The following PITPNM2 variants were observed in gnomAD, a reference collection of about 807,000 sequenced individuals.
The protein encoded by PITPNM2 is phosphatidylinositol transfer protein membrane associated 2, also known as membrane-associated phosphatidylinositol transfer protein 2.
In PITPNM2, 35 loss-of-function variants were observed where a neutral mutation model predicts 132.2. The ratio of observed to expected loss-of-function variants is 0.26; its 90% CI spans 0.20 to 0.35. The LOEUF (loss-of-function observed/expected upper bound fraction) is 0.35, where lower values mean the gene tolerates loss of function less well. Ranked by LOEUF, PITPNM2 falls within the 10% of genes least tolerant of loss-of-function variation. The pLI, the probability that PITPNM2 is intolerant of heterozygous loss-of-function variation, is 1.00. For synonymous variants in PITPNM2, 738 were observed against 799.2 expected, an observed-to-expected ratio of 0.92 and a Z score of 1.29; for missense variants, 1,332 against 1,912.0, an observed-to-expected ratio of 0.70 and a Z score of 5.66.
intron 2 of PITPNM2, among the ~76,000 whole-genome samples, chr12:123,080,160 T>C (rs1333296475): frequency 1.3e-5 from 2 of 152,264 alleles, no homozygotes; most frequent in African/African-American, 4.8e-5. Flanking sequence ...CACATTCTGC[T>C]TATGCATTAT....
At position 122,985,948 on chromosome 12, in the gene PITPNM2, G is replaced by C. The variant is rs2037911063; in HGVS notation, c.*79C>G. 12 of 1,269,996 alleles carry C rather than the reference G, an allele frequency of 9.4e-6. No homozygotes were observed. Among genetic ancestry groups the C allele is most frequent in the Non-Finnish European group, 1.2e-5 (12 of 986,598 alleles). 78.7% of individuals were successfully genotyped at this position (1,269,996 alleles called of 1,614,324 possible). ...ATCTCCCAGGCCCACGTCAGTGCGT[G>C]TGCCCAGGCCAGGCCTCCTGGCGGG... is the stretch of plus-strand genomic sequence containing the variant. On this transcript the variant is annotated 3_prime_UTR_variant, in exon 26 of 26. Coordinates refer to ENST00000320201, the MANE Select transcript of PITPNM2 (RefSeq NM_020845.3).
chr12:123,057,200 G>A (rs1344514217), intron 2 of PITPNM2, among the ~76,000 whole-genome samples: 2 of 151,912 alleles, frequency 1.3e-5, no homozygotes, highest in African/African-American at 2.4e-5. Flanking sequence ...GACCAACACG[G>A]AGAAACCCCG....
intron 2 of PITPNM2, among the ~76,000 whole-genome samples, chr12:123,098,454 C>A (rs574611149): frequency 3.3e-5 from 5 of 152,094 alleles, no homozygotes; most frequent in Admixed American, 6.6e-5. Context: ...CCTGTAATCC[C>A]AGCACTTTGG....
At chr12:123,148,576 T>C (rs998490345) in intron 1 of PITPNM2, among the ~76,000 whole-genome samples, 7 of 151,932 alleles carry the variant, frequency 4.6e-5, no homozygotes, top group Admixed American at 6.6e-5. Context: ...TGCTTGGTGT[T>C]AAAACAGGCC....
chr12:123,101,536 T>C (rs2042562848), intron 2 of PITPNM2, among the ~76,000 whole-genome samples: 1 of 152,170 alleles, frequency 6.6e-6, no homozygotes, highest in Admixed American at 6.5e-5. Flanking sequence ...AAGAAATGGT[T>C]CTCCTTCCCA....
chr12:122,998,251 C>T (rs1233613152), intron 10 of PITPNM2, among the ~76,000 whole-genome samples: 1 of 152,226 alleles, frequency 6.6e-6, no homozygotes, highest in Non-Finnish European at 1.5e-5. Context: ...GACGGAGCCC[C>T]AGCACCTTAG....
intron 1 of PITPNM2, among the ~76,000 whole-genome samples, chr12:123,138,886 C>T (rs2043438477): frequency 6.6e-6 from 1 of 151,886 alleles, no homozygotes; most frequent in African/African-American, 2.4e-5. Flanking sequence ...ACCTGTAATC[C>T]CAGCACTTTG....
At chr12:123,061,706 G>A (rs1566272940) in intron 2 of PITPNM2, among the ~76,000 whole-genome samples, 1 of 152,228 alleles carries the variant, frequency 6.6e-6, no homozygotes, top group East Asian at 1.9e-4. Context: ...GGGAAGCCTG[G>A]GGCTTTCAGG....
In PITPNM2 at chr12:123,077,491, T is replaced by G. The variant is rs1239327344; in HGVS notation, c.-96+32894A>C. On this transcript the variant is annotated intron_variant, in intron 2 of 25. Coordinates refer to ENST00000320201, the MANE Select transcript of PITPNM2 (RefSeq NM_020845.3). This position sits in a 1 kb window ranked among gnomAD's most constrained non-coding sequence, Gnocchi z 4.8. ...CCAACCACAGTCCAGGAAAGCAGATTTTCTATGCCCCGTGGCAATCACAGT... is the reference window on the plus strand; with the variant it reads ...CCAACCACAGTCCAGGAAAGCAGATGTTCTATGCCCCGTGGCAATCACAGT... Among the ~76,000 whole-genome samples the G allele has an allele frequency of 6.6e-6, 1 of 152,106 alleles. No individual in the cohort carries two copies. The highest frequency in any genetic ancestry group is 6.5e-5 in the Admixed American group (1 of 15,278).
chr12:123,048,111 AAAG>A (rs1472198488), intron 2 of PITPNM2, among the ~76,000 whole-genome samples: 1 of 149,830 alleles, frequency 6.7e-6, no homozygotes, highest in African/African-American at 2.5e-5. Context: ...AAAAAAAAAA[AAAG>A]AGACAGACAG....
chr12:123,145,607 T>C (rs1013091881), intron 1 of PITPNM2, among the ~76,000 whole-genome samples: 2 of 152,212 alleles, frequency 1.3e-5, no homozygotes, highest in African/African-American at 4.8e-5. Flanking sequence ...AACTGATTTT[T>C]CCATGCTCTC....
intron 2 of PITPNM2, among the ~76,000 whole-genome samples, chr12:123,059,242 T>C (rs2041148487): frequency 6.6e-6 from 1 of 152,154 alleles, no homozygotes; most frequent in Non-Finnish European, 1.5e-5. Context: ...TGGAGAGCAG[T>C]GAGTCAACCA....
At chr12:123,066,519 T>C (rs1005987647) in intron 2 of PITPNM2, among the ~76,000 whole-genome samples, 1 of 151,794 alleles carries the variant, frequency 6.6e-6, no homozygotes, top group African/African-American at 2.4e-5. Flanking sequence ...CTGTTGGGGG[T>C]GGGGGCATGA....
intron 2 of PITPNM2, among the ~76,000 whole-genome samples, chr12:123,047,262 TC>T (rs1240779678): frequency 6.6e-6 from 1 of 152,270 alleles, no homozygotes; most frequent in Non-Finnish European, 1.5e-5. Context: ...TCTGTTTTTT[TC>T]TTTCAGAATA....
At position 123,108,055 on chromosome 12, in the gene PITPNM2, G is replaced by A. The variant is rs1442226779; in HGVS notation, c.-96+2330C>T. On this transcript the variant is annotated intron_variant, in intron 2 of 25. Coordinates refer to ENST00000320201, the MANE Select transcript of PITPNM2 (RefSeq NM_020845.3). This position sits in a 1 kb window ranked among gnomAD's most constrained non-coding sequence, Gnocchi z 4.4. Reference sequence around the variant, plus strand: ...TGAAACAGGAACCTGACAGGTAGAGGTGGGAAGAGGGAATTTCAGGATGCT... The same window carrying A: ...TGAAACAGGAACCTGACAGGTAGAGATGGGAAGAGGGAATTTCAGGATGCT... Among the ~76,000 whole-genome samples, 3 of 152,206 alleles carry A rather than the reference G, an allele frequency of 2.0e-5. No individual in the cohort carries two copies. The highest frequency in any genetic ancestry group is 7.2e-5 in the African/African-American group (3 of 41,458).
intron 3 of PITPNM2, among the ~76,000 whole-genome samples, chr12:123,025,430 G>GA (rs992651996): frequency 6.8e-6 from 1 of 147,488 alleles, no homozygotes; most frequent in African/African-American, 2.6e-5. Flanking sequence ...ATGTGGACCA[G>GA]ATTTTTTTTT....
intron 2 of PITPNM2, among the ~76,000 whole-genome samples, chr12:123,057,462 A>G (rs370702221): frequency 8.7e-4 from 132 of 152,300 alleles, no homozygotes; most frequent in South Asian, 7.3e-3. Context: ...AGAACTAAGG[A>G]AAGAATGTCT....
intron 2 of PITPNM2, among the ~76,000 whole-genome samples, chr12:123,050,117 G>A (rs1215758965): frequency 1.3e-5 from 2 of 152,312 alleles, no homozygotes; most frequent in Non-Finnish European, 2.9e-5. Flanking sequence ...GGGCATAAAC[G>A]TCAAACAGGA....
intron 13 of PITPNM2, 80 bp from the exon 14 acceptor site, chr12:122,995,740 C>T: frequency 6.9e-7 from 1 of 1,455,490 alleles, no homozygotes; most frequent in South Asian, 1.4e-5. Context: ...GCTGCCTCCT[C>T]CCTCCTAACC....
Sources: allele counts gnomAD v4.1 joint callset (sites outside exome capture counted in the v4.1 genomes callset), GRCh38; gene constraint gnomAD v4.1.1; non-coding constraint Gnocchi (gnomAD v3.1); transcripts MANE v1.5; gene names NCBI Gene and HGNC (gene_info 2026-07-23, HGNC 2026-07-21).